Variants in BAZ1A observed in about 807,000 individuals in gnomAD.
The protein encoded by BAZ1A is bromodomain adjacent to zinc finger domain protein 1A.
In BAZ1A, 50 loss-of-function variants were observed where a neutral mutation model predicts 185.2. The observed-to-expected ratio is 0.27, with a 90% CI of 0.22 to 0.34. BAZ1A has a LOEUF of 0.34. Ranked by LOEUF, BAZ1A falls within the 10% of genes least tolerant of loss-of-function variation. The pLI, the probability that BAZ1A is intolerant of heterozygous loss-of-function variation, is 1.00. For missense variants in BAZ1A, 1,356 were observed against 1,839.9 expected (o/e 0.74, Z 4.81); for synonymous variants, 571 against 615.6 (o/e 0.93, Z 1.07).
intron 14 of BAZ1A, 129 bp downstream of exon 14, chr14:34,785,648 A>G: frequency 1.4e-6 from 1 of 698,310 alleles, no homozygotes; most frequent in Non-Finnish European, 2.3e-6. Flanking sequence ...GAATAATAAC[A>G]ATAGTTTGCT....
chr14:34,806,080 G>C (rs1319819544), intron 6 of BAZ1A, among the ~76,000 whole-genome samples: 1 of 151,540 alleles, frequency 6.6e-6, no homozygotes, highest in Non-Finnish European at 1.5e-5. Flanking sequence ...TTTTGAGTTA[G>C]ATTTAACTTT....
chr14:34,768,741 T>C, intron 21 of BAZ1A: 1 of 439,248 alleles, frequency 2.3e-6, no homozygotes, highest in Non-Finnish European at 4.5e-6. Flanking sequence ...TCCTTTTTTT[T>C]TTCTATCTCC....
chr14:34,776,387 G>C lies in BAZ1A; in HGVS notation c.2365C>G (p.Leu789Val). The C allele has an allele frequency of 1.2e-6, 2 of 1,614,052 alleles. No homozygotes were observed. The highest frequency in any genetic ancestry group is 2.2e-5 in the South Asian group (2 of 91,082). ...ATGGCACTTTGGATTTTTTCTAAGA[G>C]CTCTTTCTCTTTTCGTTGGTGTTCC... ...KQEHQRKEKE[L>V]LEKIQSAIAC... Residue 789 changes from leucine (L) to valine (V), a missense_variant, in exon 18 of 27, where the codon CTC becomes GTC. Transcript: ENST00000360310.
intron 3 of BAZ1A, among the ~76,000 whole-genome samples, chr14:34,851,854 G>A (rs956969696): frequency 2.6e-5 from 4 of 152,172 alleles, no homozygotes; most frequent in East Asian, 1.9e-4. Flanking sequence ...TAGGCCGGGC[G>A]TGGTGGCTCA....
intron 3 of BAZ1A, among the ~76,000 whole-genome samples, chr14:34,857,504 T>A (rs962874283): frequency 1.3e-5 from 2 of 152,188 alleles, no homozygotes; most frequent in Non-Finnish European, 2.9e-5. Context: ...ATTGAGATCA[T>A]CCATGATTTC....
intron 20 of BAZ1A, 89 bp downstream of exon 20, chr14:34,773,483 C>T (rs1195529622): frequency 9.0e-7 from 1 of 1,112,450 alleles, no homozygotes; most frequent in South Asian, 1.7e-5. Context: ...TAAGAAAAAG[C>T]AACATATTTA....
chr14:34,849,936 T>C (rs1009757281), intron 3 of BAZ1A, among the ~76,000 whole-genome samples: 11 of 152,232 alleles, frequency 7.2e-5, no homozygotes, highest in African/African-American at 2.7e-4. Flanking sequence ...CTTTCAGTTA[T>C]TCATAAACCT....
chr14:34,792,919 C>T lies in BAZ1A; in HGVS notation c.1366G>A (p.Val456Ile). ...DEFPDGVTLE[V>I]LEEALVGNDS... is the part of the protein sequence containing the mutation. Reference sequence around the variant, plus strand: ...TTTCCTACAAGAGCTTCCTCTAATACTTCTGTGAATAAAATGTTTAAAATG... The same window carrying T: ...TTTCCTACAAGAGCTTCCTCTAATATTTCTGTGAATAAAATGTTTAAAATG... Residue 456 changes from valine (V) to isoleucine (I), a missense_variant and splice_region_variant, in exon 12 of 27, where the codon GTA becomes ATA. Physicochemically the swap from Val to Ile is conservative, Grantham distance 29 (BLOSUM62 3). Coordinates refer to ENST00000360310, the MANE Select transcript of BAZ1A (RefSeq NM_013448.3). The T allele has an allele frequency of 6.2e-7, 1 of 1,602,936 alleles. No homozygotes were observed. The highest frequency in any genetic ancestry group is 8.5e-7 in the Non-Finnish European group (1 of 1,177,464).
intron 2 of BAZ1A, among the ~76,000 whole-genome samples, chr14:34,864,343 C>A (rs1036912954): frequency 2.0e-5 from 3 of 152,014 alleles, no homozygotes; most frequent in Non-Finnish European, 4.4e-5. Context: ...GGAGTTTCAT[C>A]ATGTTGGCCA....
intron 12 of BAZ1A, among the ~76,000 whole-genome samples, chr14:34,792,532 C>T (rs1880916635): frequency 1.3e-5 from 2 of 152,002 alleles, no homozygotes; most frequent in South Asian, 4.1e-4. Flanking sequence ...TAGGAAAAGT[C>T]TAAAGGAATA....
chr14:34,779,633 TA>T (rs1419150278), intron 17 of BAZ1A, among the ~76,000 whole-genome samples: 1 of 152,200 alleles, frequency 6.6e-6, no homozygotes, highest in Non-Finnish European at 1.5e-5. Context: ...ATAAGGTCAT[TA>T]AATAAATACA....
rs1338820212 is a variant in BAZ1A, at chr14:34,762,301, A to AT, written c.3777-79dup. On this transcript the variant is annotated intron_variant, in intron 23 of 26. Transcript: ENST00000360310. Reference sequence around the variant, plus strand: ...TGATTAGCTCTATTCTCCTTGTTGTATTTAGCCAATGAGTTTATACAAATT... The same window carrying AT: ...TGATTAGCTCTATTCTCCTTGTTGTATTTTAGCCAATGAGTTTATACAAATT... The AT allele has an allele frequency of 2.2e-6, 3 of 1,350,914 alleles. No individual in the cohort carries two copies. The Admixed American group carries it at 6.4e-5, about 29-fold the overall frequency. The allele number at this position is 1,350,914 out of a possible 1,614,324, so 83.7% of individuals were successfully genotyped here. A position where few individuals can be genotyped will look rare whatever the true frequency, so the allele number is the denominator to read the frequency against.
chr14:34,767,527 G>A lies in BAZ1A; in HGVS notation c.3302-2259C>T, dbSNP rs766909907. On this transcript the variant is annotated intron_variant, in intron 21 of 26. Coordinates refer to ENST00000360310, the MANE Select transcript of BAZ1A (RefSeq NM_013448.3). The stretch of plus-strand genomic sequence containing the variant: ...CTGCACTCCAGCTTGGGTGACAAAA[G>A]CAAGACTCTGTCTCAAAATATATAT... Among the ~76,000 whole-genome samples, 172 of 152,192 alleles carry A rather than the reference G, an allele frequency of 1.1e-3. 1 individual carries two copies. The highest frequency in any genetic ancestry group is 2.1e-3 in the Non-Finnish European group (142 of 68,010).
intron 4 of BAZ1A, among the ~76,000 whole-genome samples, chr14:34,815,015 T>G (rs2041984899): frequency 6.7e-6 from 1 of 149,214 alleles, no homozygotes; most frequent in African/African-American, 2.5e-5. Context: ...CCTCAGGTAA[T>G]CCACCCACCT....
chr14:34,806,035 C>G (rs1040664062), intron 6 of BAZ1A, among the ~76,000 whole-genome samples: 2 of 151,862 alleles, frequency 1.3e-5, no homozygotes, highest in Non-Finnish European at 2.9e-5. Context: ...TCCTAAGTAC[C>G]TCATCATGTT....
chr14:34,790,710 TCAAA>T (rs1190220443), intron 12 of BAZ1A, among the ~76,000 whole-genome samples: 4 of 152,188 alleles, frequency 2.6e-5, no homozygotes, highest in African/African-American at 9.6e-5. Flanking sequence ...CTAAATATTT[TCAAA>T]CAGAGCATTA....
intron 3 of BAZ1A, among the ~76,000 whole-genome samples, chr14:34,844,886 TTCAAAATA>T (rs1351321073): frequency 6.6e-6 from 1 of 151,936 alleles, no homozygotes. Context: ...TTTTAAATGG[TTCAAAATA>T]AAAATCAGAA....
At chr14:34,782,769 C>G (rs1594832987) in intron 16 of BAZ1A, among the ~76,000 whole-genome samples, 1 of 152,186 alleles carries the variant, frequency 6.6e-6, no homozygotes, top group African/African-American at 2.4e-5. Flanking sequence ...ACAATCCTAT[C>G]TCAAATATTC....
In BAZ1A at chr14:34,807,460, A is replaced by G. The variant is rs1383464116; in HGVS notation, c.717T>C (p.Ile239=). 1 of 1,604,058 alleles carries G rather than the reference A, an allele frequency of 6.2e-7. No individual in the cohort carries two copies. The highest frequency in any genetic ancestry group is 1.7e-5 in the Admixed American group (1 of 59,374). The change falls in exon 6 of 27, where the codon ATT becomes ATC. Residue 239 remains isoleucine, a synonymous_variant. Coordinates refer to ENST00000360310, the MANE Select transcript of BAZ1A (RefSeq NM_013448.3). ...KQHCEPQDGV[I]KIKASSLSTY... ...TTCATTATTTGATTACCTTTATTTT[A>G]ATGACTCCATCTTGTGGTTCACAGT...
Sources: allele counts gnomAD v4.1 joint callset (sites outside exome capture counted in the v4.1 genomes callset), GRCh38; gene constraint gnomAD v4.1.1; transcripts MANE v1.5; gene names NCBI Gene and HGNC (gene_info 2026-07-23, HGNC 2026-07-21).